The following RB1 variants were observed in gnomAD, a reference collection of about 807,000 sequenced individuals.
RB1 encodes the protein retinoblastoma-associated protein.
Under a neutral mutation model 135.4 loss-of-function variants are expected in RB1, and 18 were observed. The observed-to-expected ratio is 0.13, with a 90% CI of 0.09 to 0.20. RB1 has a LOEUF of 0.20. Ranked by LOEUF, RB1 falls within the 10% of genes least tolerant of loss-of-function variation. The probability of loss-of-function intolerance (pLI) is 1.00; values close to 1 mark genes in which losing one functional copy is unlikely to be tolerated. For missense variants in RB1, 868 were observed against 1,110.0 expected, an observed-to-expected ratio of 0.78 and a Z score of 3.10; for synonymous variants, 365 against 373.2, an observed-to-expected ratio of 0.98 and a Z score of 0.25.
At chr13:48,476,210 A>G (rs757823324) in intron 24 of RB1, among the ~76,000 whole-genome samples, 11 of 152,232 alleles carry the variant, frequency 7.2e-5, no homozygotes, top group Non-Finnish European at 1.2e-4. Context: ...CAGAAAGTCT[A>G]TATGACTTGT....
At chr13:48,382,657 T>A (rs1458584249) in intron 17 of RB1, among the ~76,000 whole-genome samples, 3 of 152,232 alleles carry the variant, frequency 2.0e-5, no homozygotes, top group Non-Finnish European at 4.4e-5. Context: ...CTGTTCACTC[T>A]GATCGTAGTT....
At position 48,481,289 on chromosome 13, in the gene RB1, T is replaced by C. The variant is rs1011162918; in HGVS notation, c.*1218T>C. 4.3e-6 allele frequency: 1 copy of C among 232,112 alleles called. No individual in the cohort carries two copies. The highest frequency in any genetic ancestry group is 2.2e-5 in the African/African-American group (1 of 45,294). The allele number at this position is 232,112 out of a possible 1,614,324, so 14.4% of individuals were successfully genotyped here. A position where few individuals can be genotyped will look rare whatever the true frequency, so the allele number is the denominator to read the frequency against. ...TATGGGTTAGGCATTAATGTTTCTA[T>C]CTGATTTTGTGCAAAAGCTTCAAAT... is the stretch of plus-strand genomic sequence containing the variant. On this transcript the variant is annotated 3_prime_UTR_variant, in exon 27 of 27. Coordinates refer to ENST00000267163, the MANE Select transcript of RB1 (RefSeq NM_000321.3).
intron 7 of RB1, among the ~76,000 whole-genome samples, chr13:48,362,309 C>T (rs1191535743): frequency 4.0e-5 from 1 of 24,890 alleles, no homozygotes; most frequent in African/African-American, 6.9e-5. Context: ...GAAAATAATC[C>T]AGGAGATTTT....
chr13:48,396,743 A>G (rs562206587), intron 17 of RB1, among the ~76,000 whole-genome samples: 54 of 152,254 alleles, frequency 3.5e-4, no homozygotes, highest in Non-Finnish European at 6.9e-4. Context: ...TTTGCAATGT[A>G]TCCATCTGAC....
At position 48,480,198 on chromosome 13, in the gene RB1, A is replaced by G. The variant is rs182470177; in HGVS notation, c.*127A>G. The stretch of plus-strand genomic sequence containing the variant: ...AATATCTTCAGCTCTTTTTGTGGAT[A>G]TAAAATGTGCAGATGCAATTGTTTG... On this transcript the variant is annotated 3_prime_UTR_variant, in exon 27 of 27. Coordinates refer to ENST00000267163, the MANE Select transcript of RB1 (RefSeq NM_000321.3). 59 of 795,074 alleles carry G rather than the reference A, an allele frequency of 7.4e-5. No individual in the cohort carries two copies. The East Asian group carries it at 1.6e-3, about 21-fold the overall frequency. 49.3% of individuals were successfully genotyped at this position (795,074 alleles called of 1,614,324 possible).
At chr13:48,378,509 A>G (rs1052226260) in intron 13 of RB1, among the ~76,000 whole-genome samples, 2 of 151,778 alleles carry the variant, frequency 1.3e-5, no homozygotes, top group Admixed American at 6.6e-5. Context: ...AGAGCTGTCA[A>G]CTCCTATGAT....
intron 2 of RB1, chr13:48,320,041 G>A (rs961239140): frequency 4.1e-6 from 2 of 489,292 alleles, no homozygotes; most frequent in African/African-American, 2.0e-5. Flanking sequence ...TGCCAGCCCC[G>A]GGCTGTGCGG....
chr13:48,411,551 G>A (rs1350341210), intron 17 of RB1: 1 of 1,613,746 alleles, frequency 6.2e-7, no homozygotes, highest in Non-Finnish European at 8.5e-7. Context: ...ATGTAAAGTA[G>A]TAAACTATAG....
intron 18 of RB1, among the ~76,000 whole-genome samples, chr13:48,455,841 TAGA>T (rs1190628931): frequency 6.6e-6 from 1 of 152,186 alleles, no homozygotes; most frequent in African/African-American, 2.4e-5. Context: ...AAAAAATTTT[TAGA>T]AGGAGAATCA....
At chr13:48,413,513 G>A (rs532545228) in intron 17 of RB1, among the ~76,000 whole-genome samples, 6 of 152,256 alleles carry the variant, frequency 3.9e-5, no homozygotes, top group South Asian at 2.1e-4. Flanking sequence ...TCTTAACATA[G>A]CATTTCAAAG....
chr13:48,317,357 C>A, intron 2 of RB1: 1 of 384,866 alleles, frequency 2.6e-6, no homozygotes, highest in South Asian at 5.0e-5. Flanking sequence ...CGCCTCCACT[C>A]CGCATCTCTA....
intron 16 of RB1, 100 bp downstream of exon 16, chr13:48,380,341 G>C: frequency 2.3e-6 from 2 of 878,770 alleles, no homozygotes; most frequent in Non-Finnish European, 3.7e-6. Flanking sequence ...AGGTTAAGGA[G>C]AAGGAATGCT....
chr13:48,419,566 A>G (rs1394933719), intron 17 of RB1, among the ~76,000 whole-genome samples: 1 of 152,200 alleles, frequency 6.6e-6, no homozygotes, highest in East Asian at 1.9e-4. Flanking sequence ...GAGAAACACG[A>G]AAAACCCTTC....
intron 12 of RB1, among the ~76,000 whole-genome samples, chr13:48,376,606 G>A (rs1952827316): frequency 6.6e-6 from 1 of 151,792 alleles, no homozygotes; most frequent in African/African-American, 2.4e-5. Context: ...ACTCTTAATT[G>A]AAGGTATTTT....
At chr13:48,341,319 C>T (rs1952440739) in intron 2 of RB1, 2 of 151,848 alleles carry the variant, frequency 1.3e-5, no homozygotes, top group Non-Finnish European at 2.9e-5. Flanking sequence ...TTTTTCCATG[C>T]ACTTCTTTTT....
chr13:48,308,906 C>T (rs1429365368), intron 2 of RB1, among the ~76,000 whole-genome samples: 1 of 151,858 alleles, frequency 6.6e-6, no homozygotes, highest in Non-Finnish European at 1.5e-5. Context: ...TTTGTATTTT[C>T]CTGTTTTTTT....
At chr13:48,428,567 G>A (rs982791639) in intron 17 of RB1, among the ~76,000 whole-genome samples, 1 of 152,182 alleles carries the variant, frequency 6.6e-6, no homozygotes, top group Non-Finnish European at 1.5e-5. Context: ...TAAATATTAA[G>A]CAAAGAACTT....
At chr13:48,442,724 A>G (rs1949250162) in intron 17 of RB1, among the ~76,000 whole-genome samples, 2 of 152,310 alleles carry the variant, frequency 1.3e-5, no homozygotes, top group Non-Finnish European at 2.9e-5. Flanking sequence ...TGCCTCCCAG[A>G]GCTGGTATAT....
chr13:48,408,290 T>C (rs551255735), intron 17 of RB1, among the ~76,000 whole-genome samples: 2 of 152,064 alleles, frequency 1.3e-5, no homozygotes, highest in East Asian at 3.9e-4. Context: ...TTTTTATGCT[T>C]TTTAAAATAA....
Sources: allele counts gnomAD v4.1 joint callset (sites outside exome capture counted in the v4.1 genomes callset), GRCh38; gene constraint gnomAD v4.1.1; transcripts MANE v1.5; gene names NCBI Gene and HGNC (gene_info 2026-07-23, HGNC 2026-07-21).